STK39: variants seen among roughly 807,000 people sequenced by gnomAD.
STK39 encodes the protein STE20/SPS1-related proline-alanine-rich protein kinase.
Under a neutral mutation model 77.8 loss-of-function variants are expected in STK39, and 20 were observed. The ratio of observed to expected loss-of-function variants is 0.26; its 90% confidence interval spans 0.18 to 0.37. The LOEUF (loss-of-function observed/expected upper bound fraction) is 0.37, where lower values mean the gene tolerates loss of function less well. Among genes scored for constraint, STK39 ranks in the 10% least tolerant of loss-of-function variants. The probability of loss-of-function intolerance (pLI) is 1.00; values close to 1 mark genes in which losing one functional copy is unlikely to be tolerated. For missense variants in STK39, 479 were observed against 656.5 expected, an observed-to-expected ratio of 0.73 and a Z score of 2.95; for synonymous variants, 246 against 234.1, an observed-to-expected ratio of 1.05 and a Z score of -0.47.
At chr2:168,004,228 T>G (rs1050473788) in intron 16 of STK39, among the ~76,000 whole-genome samples, 1 of 152,174 alleles carries the variant, frequency 6.6e-6, no homozygotes, top group Non-Finnish European at 1.5e-5. Flanking sequence ...TGGTAAAAAT[T>G]TATACCAATG....
At position 168,066,948 on chromosome 2, in the gene STK39, G is replaced by A. The variant is rs111934065; in HGVS notation, c.1243-1567C>T. On this transcript the variant is annotated intron_variant, in intron 12 of 17. Coordinates refer to ENST00000355999, the MANE Select transcript of STK39 (RefSeq NM_013233.3). ...TGAAATGTAATCCTCAGCTGGGCAC[G>A]GTGGCTCATGCCTCTAATCCCAGCA... Among the ~76,000 whole-genome samples the A allele has an allele frequency of 9.0e-3, 1,366 of 152,318 alleles. 17 individuals carry two copies. The highest frequency in any genetic ancestry group is 0.03 in the African/African-American group (1,266 of 41,556).
At chr2:167,958,858 C>T (rs1448376945) in intron 17 of STK39, among the ~76,000 whole-genome samples, 1 of 152,218 alleles carries the variant, frequency 6.6e-6, no homozygotes, top group Non-Finnish European at 1.5e-5. Flanking sequence ...TTTACCCATG[C>T]ATGACTTTAA....
At chr2:168,025,445 C>T (rs928572119) in intron 14 of STK39, among the ~76,000 whole-genome samples, 10 of 152,288 alleles carry the variant, frequency 6.6e-5, no homozygotes, top group African/African-American at 2.4e-4. Context: ...TCGTATCATC[C>T]GTTTCTCTCA....
chr2:168,197,303 GC>G (rs1432214710), intron 1 of STK39, among the ~76,000 whole-genome samples: 1 of 152,148 alleles, frequency 6.6e-6, no homozygotes, highest in Non-Finnish European at 1.5e-5. Flanking sequence ...ATATGTAATC[GC>G]CTCTACTATA....
At chr2:168,079,500 C>T (rs533681761) in intron 10 of STK39, among the ~76,000 whole-genome samples, 2 of 152,338 alleles carry the variant, frequency 1.3e-5, no homozygotes, top group South Asian at 2.1e-4. Context: ...CAGTCAAGTG[C>T]GCATGATGCC....
chr2:167,975,793 C>G (rs1158235653), intron 16 of STK39, among the ~76,000 whole-genome samples: 1 of 152,120 alleles, frequency 6.6e-6, no homozygotes, highest in African/African-American at 2.4e-5. Flanking sequence ...TGGTAACCAT[C>G]AGTTTAGTTC....
At chr2:168,245,516 AAG>A (rs1419921514) in intron 1 of STK39, among the ~76,000 whole-genome samples, 1 of 152,244 alleles carries the variant, frequency 6.6e-6, no homozygotes, top group Non-Finnish European at 1.5e-5. Flanking sequence ...TTTGCCTTGA[AAG>A]AAGCAGAAGG....
chr2:168,150,535 T>C (rs149268023), intron 5 of STK39, among the ~76,000 whole-genome samples: 135 of 152,216 alleles, frequency 8.9e-4, no homozygotes, highest in African/African-American at 2.9e-3. Context: ...GCAGGTGTGA[T>C]GGTACTGGGA....
intron 16 of STK39, among the ~76,000 whole-genome samples, chr2:167,980,199 T>C (rs1683377615): frequency 6.6e-6 from 1 of 152,182 alleles, no homozygotes; most frequent in Non-Finnish European, 1.5e-5. Flanking sequence ...AATCACTTGA[T>C]TAAAAAACAA....
intron 16 of STK39, among the ~76,000 whole-genome samples, chr2:167,983,621 G>C (rs1033001607): frequency 6.6e-6 from 1 of 152,052 alleles, no homozygotes; most frequent in Non-Finnish European, 1.5e-5. Flanking sequence ...AAGGGTTCAG[G>C]CATGCTAGTG....
chr2:168,048,137 G>C (rs1685293751), intron 14 of STK39, among the ~76,000 whole-genome samples: 1 of 124,714 alleles, frequency 8.0e-6, no homozygotes, highest in South Asian at 2.4e-4. Context: ...TTCTGATTAA[G>C]ATCCTTATCA....
Position 168,078,287 on chromosome 2 carries a change from A to G in STK39, c.1090-3056T>C, listed in dbSNP as rs191796890. Among the ~76,000 whole-genome samples the G allele has an allele frequency of 3.1e-4, 47 of 150,962 alleles. 1 individual carries two copies. In the East Asian group the frequency reaches 4.2e-3, roughly 13 times the overall value. On this transcript the variant is annotated intron_variant, in intron 10 of 17. Transcript: ENST00000355999. ...ATAAATGAACCCAAGTTCTGATTCCAAGAAAAGAAGGCAGGCTCAGCCAGA... is the reference window on the plus strand; with the variant it reads ...ATAAATGAACCCAAGTTCTGATTCCGAGAAAAGAAGGCAGGCTCAGCCAGA...
chr2:167,974,238 A>T (rs78849365), intron 16 of STK39, among the ~76,000 whole-genome samples: 233 of 152,282 alleles, frequency 1.5e-3, no homozygotes, highest in African/African-American at 5.4e-3. Context: ...GCCTTTAAAA[A>T]TTTTTTGAGT....
chr2:168,001,270 A>C (rs1683992577), intron 16 of STK39, among the ~76,000 whole-genome samples: 2 of 74,162 alleles, frequency 2.7e-5, no homozygotes, highest in Non-Finnish European at 2.4e-5. Flanking sequence ...GAAACACATC[A>C]AAAAAAAAAA....
At chr2:168,045,169 CTGGTTA>C (rs1435064442) in intron 14 of STK39, among the ~76,000 whole-genome samples, 4 of 152,082 alleles carry the variant, frequency 2.6e-5, no homozygotes, top group East Asian at 3.9e-4. Flanking sequence ...AAAATTTAAT[CTGGTTA>C]AAAAAAAAAT....
chr2:168,030,254 A>AATG (rs1018702906), intron 14 of STK39, among the ~76,000 whole-genome samples: 2 of 152,012 alleles, frequency 1.3e-5, no homozygotes, highest in African/African-American at 4.8e-5. Context: ...TAATAATAAT[A>AATG]ATCTCCCAAT....
intron 16 of STK39, among the ~76,000 whole-genome samples, chr2:168,001,352 A>T (rs1460754016): frequency 5.3e-5 from 8 of 152,024 alleles, no homozygotes; most frequent in Admixed American, 4.6e-4. Context: ...AAACCTGATG[A>T]CAAGGACAAG....
intron 7 of STK39, 97 bp downstream of exon 7, chr2:168,140,192 G>T: frequency 2.9e-6 from 3 of 1,043,048 alleles, no homozygotes; most frequent in Non-Finnish European, 4.4e-6. Flanking sequence ...AATTCTCCTC[G>T]GGTCTAAGAG....
At chr2:168,157,695 C>T (rs1688470679) in intron 5 of STK39, among the ~76,000 whole-genome samples, 1 of 152,052 alleles carries the variant, frequency 6.6e-6, no homozygotes, top group Non-Finnish European at 1.5e-5. Flanking sequence ...TTATTACCTC[C>T]CAAAGGCCCC....
Sources: gnomAD v4.1 joint callset for allele counts (sites outside exome capture counted in the v4.1 genomes callset) on GRCh38, gnomAD v4.1.1 for gene constraint, MANE v1.5 for transcripts, NCBI Gene and HGNC (gene_info 2026-07-23, HGNC 2026-07-21) for gene names.